The following NRXN1 variants were observed in gnomAD, a reference collection of about 807,000 sequenced individuals.
NRXN1 encodes neurexin 1.
NRXN1 carries 39 observed loss-of-function variants against 150.9 expected under a neutral mutation model. The ratio of observed to expected loss-of-function variants is 0.26; its 90% CI spans 0.20 to 0.34. The LOEUF (loss-of-function observed/expected upper bound fraction) is 0.34, where lower values mean the gene tolerates loss of function less well. NRXN1 is among the 10% of genes least tolerant of loss of function. The pLI, the probability that NRXN1 is intolerant of heterozygous loss-of-function variation, is 1.00. For missense variants in NRXN1, 1,815 were observed against 1,949.9 expected, an observed-to-expected ratio of 0.93 and a Z score of 1.30; for synonymous variants, 924 against 757.0, an observed-to-expected ratio of 1.22 and a Z score of -3.62.
intron 17 of NRXN1, among the ~76,000 whole-genome samples, chr2:50,435,365 C>T (rs1057010009): frequency 1.3e-5 from 2 of 152,122 alleles, no homozygotes; most frequent in Non-Finnish European, 2.9e-5. Flanking sequence ...TAATTAAATG[C>T]AAGAAACTTT....
intron 2 of NRXN1, among the ~76,000 whole-genome samples, chr2:50,953,556 A>ATTT (rs1338336889): frequency 2.1e-5 from 3 of 139,672 alleles, no homozygotes; most frequent in Admixed American, 7.3e-5. Context: ...TCAAGTGACA[A>ATTT]TTTTTTTTTT....
intron 17 of NRXN1, among the ~76,000 whole-genome samples, chr2:50,329,675 T>TATA (rs2076700009): frequency 1.6e-4 from 3 of 19,016 alleles, no homozygotes; most frequent in Non-Finnish European, 2.9e-4. Flanking sequence ...ATATATATAT[T>TATA]TTTTTTTTTC....
intron 21 of NRXN1, among the ~76,000 whole-genome samples, chr2:49,957,613 T>A (rs560914801): frequency 2.0e-5 from 3 of 152,132 alleles, no homozygotes; most frequent in Non-Finnish European, 4.4e-5. Flanking sequence ...AAAATCACAT[T>A]ATCAGTATAT....
At chr2:50,902,279 C>T (rs1683065915) in intron 5 of NRXN1, among the ~76,000 whole-genome samples, 1 of 151,450 alleles carries the variant, frequency 6.6e-6, no homozygotes, top group African/African-American at 2.4e-5. Context: ...TGCTTAGAAT[C>T]ACTGAAGTAA....
chr2:50,166,309 GTGTGTGTGTGTGTGTT>G (rs1364485811), intron 18 of NRXN1, among the ~76,000 whole-genome samples: 108 of 144,430 alleles, frequency 7.5e-4, no homozygotes, highest in African/African-American at 3.0e-3. Context: ...GTGTGTGTGT[GTGTGTGTGTGTGTGTT>G]TGTGTGTGTG....
chr2:50,749,932 A>C, intron 5 of NRXN1, among the ~76,000 whole-genome samples: 1 of 152,056 alleles, frequency 6.6e-6, no homozygotes, highest in East Asian at 1.9e-4. Flanking sequence ...TAAATTTAAA[A>C]GCTTATTACA....
At chr2:49,980,721 C>T (rs1679855894) in intron 21 of NRXN1, among the ~76,000 whole-genome samples, 1 of 152,118 alleles carries the variant, frequency 6.6e-6, no homozygotes, top group Non-Finnish European at 1.5e-5. Flanking sequence ...TTGGTTCCTA[C>T]CTCCACTGCT....
Position 49,945,856 on chromosome 2 carries a change from A to C in NRXN1, c.4129-2065T>G, listed in dbSNP as rs1672803962. On this transcript the variant is annotated intron_variant, in intron 21 of 22. Transcript: ENST00000401669. ...AGTGTGGCAAGAAATATACATGTACATGTGTCTTTATAGTAAAATGATTTA... is the reference window on the plus strand; with the variant it reads ...AGTGTGGCAAGAAATATACATGTACCTGTGTCTTTATAGTAAAATGATTTA... 3.3e-5 allele frequency among the ~76,000 whole-genome samples: 5 copies of C among 152,132 alleles called. No homozygotes were observed. The South Asian group carries it at 8.3e-4, about 25-fold the overall frequency.
At position 50,552,660 on chromosome 2, in the gene NRXN1, T is replaced by C. The variant is rs1667701254; in HGVS notation, c.1686A>G (p.Lys562=). Residue 562 remains lysine (K), a synonymous_variant, in exon 9 of 23, where the codon AAA becomes AAG. Coordinates refer to ENST00000401669, the MANE Select transcript of NRXN1 (RefSeq NM_001330078.2). The part of the protein sequence containing the change: ...LLLDMGSGTI[K]IKALLKKVND... Reference sequence around the variant, plus strand: ...TCACTTTCTTCAACAGGGCTTTTATTTTTATAGTACCTGACCCCATGTCCA... The same window carrying C: ...TCACTTTCTTCAACAGGGCTTTTATCTTTATAGTACCTGACCCCATGTCCA... 6.2e-7 allele frequency: 1 copy of C among 1,613,894 alleles called. No homozygotes were observed. Among genetic ancestry groups the C allele is most frequent in the African/African-American group, 1.3e-5 (1 of 75,024 alleles).
chr2:50,960,967 G>A (rs907861549), intron 2 of NRXN1, among the ~76,000 whole-genome samples: 11 of 151,808 alleles, frequency 7.2e-5, no homozygotes, highest in African/African-American at 2.2e-4. Flanking sequence ...CCTTACATTG[G>A]TCTCATTACC....
At chr2:51,030,695 C>G (rs1384683925) in intron 1 of NRXN1, among the ~76,000 whole-genome samples, 1 of 152,090 alleles carries the variant, frequency 6.6e-6, no homozygotes, top group Non-Finnish European at 1.5e-5. Context: ...TTGTCTTCTC[C>G]TATATCAAAC....
intron 5 of NRXN1, among the ~76,000 whole-genome samples, chr2:50,653,268 G>T (rs1365328353): frequency 6.6e-6 from 1 of 151,998 alleles, no homozygotes; most frequent in Non-Finnish European, 1.5e-5. Context: ...AAATGGTTCA[G>T]AATGCTCCAC....
intron 17 of NRXN1, among the ~76,000 whole-genome samples, chr2:50,244,742 G>A (rs549254781): frequency 5.3e-5 from 8 of 151,816 alleles, no homozygotes; most frequent in African/African-American, 1.4e-4. Context: ...ATTTCAAAAT[G>A]GCTAGAAGAG....
chr2:50,378,143 G>T lies in NRXN1; in HGVS notation c.3364+87299C>A, dbSNP rs113029435. On this transcript the variant is annotated intron_variant, in intron 17 of 22. Coordinates refer to ENST00000401669, the MANE Select transcript of NRXN1 (RefSeq NM_001330078.2). ...TAAGCTAGATCAGCCATGGAAATAT[G>T]CATTAGTCAATAAGTTTGATACCTA... 6.3e-4 allele frequency among the ~76,000 whole-genome samples: 96 copies of T among 152,268 alleles called. 2 individuals are homozygous for T. Among genetic ancestry groups the T allele is most frequent in the African/African-American group, 2.0e-3 (84 of 41,578 alleles).
intron 17 of NRXN1, among the ~76,000 whole-genome samples, chr2:50,354,583 A>ATATATATATATATATATATATATC (rs2078661334): frequency 6.9e-6 from 1 of 145,186 alleles, no homozygotes; most frequent in Non-Finnish European, 1.5e-5. Context: ...ATATATATAT[A>ATATATATATATATATATATATATC]TATACACACA....
chr2:50,512,329 A>T (rs2092481240), intron 12 of NRXN1, among the ~76,000 whole-genome samples: 1 of 152,204 alleles, frequency 6.6e-6, no homozygotes, highest in East Asian at 1.9e-4. Context: ...GCCAGAGGAC[A>T]ATATTAATAC....
At chr2:50,085,432 A>G (rs1219264112) in intron 19 of NRXN1, among the ~76,000 whole-genome samples, 1 of 152,160 alleles carries the variant, frequency 6.6e-6, no homozygotes, top group Non-Finnish European at 1.5e-5. Context: ...AAGGAAAAAA[A>G]TTAGTCAAAC....
intron 18 of NRXN1, among the ~76,000 whole-genome samples, chr2:50,185,943 C>T (rs551036588): frequency 2.0e-5 from 3 of 152,074 alleles, no homozygotes; most frequent in Admixed American, 6.6e-5. Context: ...AGCCTCATTA[C>T]CTATAAATAT....
intron 5 of NRXN1, 27 bp from the exon 6 acceptor site, chr2:50,623,642 T>C: frequency 3.2e-6 from 5 of 1,543,408 alleles, no homozygotes; most frequent in Non-Finnish European, 3.6e-6. Flanking sequence ...GATACATACA[T>C]AAGTAAACAA....
Sources: allele counts gnomAD v4.1 joint callset (sites outside exome capture counted in the v4.1 genomes callset), GRCh38; gene constraint gnomAD v4.1.1; transcripts MANE v1.5; gene names NCBI Gene and HGNC (gene_info 2026-07-23, HGNC 2026-07-21).